SIRT1: variants seen among roughly 807,000 people sequenced by gnomAD.
The protein encoded by SIRT1 is sirtuin 1, also known as NAD-dependent protein deacetylase sirtuin-1.
SIRT1 carries 24 observed loss-of-function variants against 67.9 expected under a neutral mutation model. The observed-to-expected ratio is 0.35, with a 90% CI of 0.26 to 0.50. The LOEUF (loss-of-function observed/expected upper bound fraction) is 0.50, where lower values mean the gene tolerates loss of function less well. SIRT1 is among the 20% of genes least tolerant of loss of function. The pLI is 0.98. For synonymous variants in SIRT1, 378 were observed against 350.7 expected (o/e 1.08, Z -0.87); for missense variants, 873 against 937.2 (o/e 0.93, Z 0.89).
At chr10:67,890,658 G>A (rs1168240303) in intron 3 of SIRT1, among the ~76,000 whole-genome samples, 2 of 151,896 alleles carry the variant, frequency 1.3e-5, no homozygotes, top group Non-Finnish European at 2.9e-5. Context: ...GCTTGAGCCG[G>A]AAAGGTTAAG....
Position 67,912,457 on chromosome 10 carries a change from T to A in SIRT1, c.1358-17T>A. 1 of 1,568,792 alleles carries A rather than the reference T, an allele frequency of 6.4e-7. No homozygotes were observed. Among genetic ancestry groups the A allele is most frequent in the Non-Finnish European group, 8.6e-7 (1 of 1,161,274 alleles). On this transcript the variant is annotated splice_polypyrimidine_tract_variant and intron_variant, in intron 7 of 8. Coordinates refer to ENST00000212015, the MANE Select transcript of SIRT1 (RefSeq NM_012238.5). ...CCTCCTCCCTTTTTCTAACTCTTATTTTTCACCCTATTTTAGGTTCCATAC... is the reference window on the plus strand; with the variant it reads ...CCTCCTCCCTTTTTCTAACTCTTATATTTCACCCTATTTTAGGTTCCATAC...
chr10:67,903,379 C>A (rs1447638347), intron 4 of SIRT1, among the ~76,000 whole-genome samples: 1 of 138,690 alleles, frequency 7.2e-6, no homozygotes, highest in Non-Finnish European at 1.6e-5. Flanking sequence ...GCCATTATTT[C>A]TGCAGATAGT....
rs370910665 is a variant in SIRT1, at chr10:67,914,436, ATAAG to A, written c.1915+1408_1915+1411del. 4.6e-4 allele frequency among the ~76,000 whole-genome samples: 70 copies of A among 152,296 alleles called. 1 individual carries two copies. The East Asian group carries it at 0.01, about 23-fold the overall frequency. Reference sequence around the variant, plus strand: ...TTTCTAAGGAGCAAAATATTTAACAATAAGTAGGGATTTAAAAAGAGCAGACGTG... The same window carrying A: ...TTTCTAAGGAGCAAAATATTTAACAATAGGGATTTAAAAAGAGCAGACGTG... On this transcript the variant is annotated intron_variant, in intron 8 of 8. Coordinates refer to ENST00000212015, the MANE Select transcript of SIRT1 (RefSeq NM_012238.5).
At chr10:67,891,356 A>T in intron 3 of SIRT1, 46 bp from the exon 4 acceptor site, 1 of 1,575,638 alleles carries the variant, frequency 6.3e-7, no homozygotes, top group East Asian at 2.2e-5. Context: ...TAGTTCCTAT[A>T]AAGGTAGAAG....
intron 8 of SIRT1, among the ~76,000 whole-genome samples, chr10:67,915,325 G>C (rs138936973): frequency 4.4e-4 from 67 of 152,236 alleles, no homozygotes; most frequent in African/African-American, 1.5e-3. Flanking sequence ...GTTAAGTTAG[G>C]GACATACTGT....
rs79394695 is a variant in SIRT1 at position 67,897,901 on chromosome 10, G to T, written c.942+6347G>T. ...TCACTGATGTTAATAAAAATGAGTG[G>T]TTGTATTTAGAGTCAAGGCGAAACT... is the stretch of plus-strand genomic sequence containing the variant. On this transcript the variant is annotated intron_variant, in intron 4 of 8. Coordinates refer to ENST00000212015, the MANE Select transcript of SIRT1 (RefSeq NM_012238.5). 3.0e-3 allele frequency among the ~76,000 whole-genome samples: 445 copies of T among 150,734 alleles called. 3 individuals are homozygous for T. The highest frequency in any genetic ancestry group is 0.01 in the African/African-American group (421 of 41,008).
chr10:67,890,774 T>C (rs1225901962), intron 3 of SIRT1, among the ~76,000 whole-genome samples: 7 of 150,976 alleles, frequency 4.6e-5, no homozygotes, highest in African/African-American at 1.7e-4. Context: ...CTCACACCTG[T>C]AATCCCAGCA....
Position 67,885,083 on chromosome 10 carries a change from A to T in SIRT1, c.362A>T (p.Tyr121Phe), listed in dbSNP as rs1842453428. The T allele has an allele frequency of 6.9e-7, 1 of 1,446,042 alleles. No homozygotes were observed. Among genetic ancestry groups the T allele is most frequent in the Non-Finnish European group, 9.1e-7 (1 of 1,093,086 alleles). The allele number at this position is 1,446,042 out of a possible 1,614,324, so 89.6% of individuals were successfully genotyped here. The change falls in exon 1 of 9, where the codon TAC (tyrosine) becomes TTC (phenylalanine). Residue 121 changes from tyrosine (Y) to phenylalanine (F), a missense_variant. Coordinates refer to ENST00000212015, the MANE Select transcript of SIRT1 (RefSeq NM_012238.5). ...SREPPLADNLYDEDDDDEGEE... is the reference protein window; with the variant it reads ...SREPPLADNLFDEDDDDEGEE... ...GAGCCACCGCTGGCCGACAACTTGT[A>T]CGACGAAGACGACGACGACGAGGGC...
chr10:67,903,125 C>T (rs1431211818), intron 4 of SIRT1, among the ~76,000 whole-genome samples: 1 of 152,002 alleles, frequency 6.6e-6, no homozygotes, highest in African/African-American at 2.4e-5. Context: ...TTATGTTGTG[C>T]GGGCTGGAGT....
intron 4 of SIRT1, among the ~76,000 whole-genome samples, chr10:67,894,292 C>T (rs1376722498): frequency 6.6e-6 from 1 of 152,174 alleles, no homozygotes; most frequent in Non-Finnish European, 1.5e-5. Flanking sequence ...CTTTTTACTT[C>T]ATATATCCGT....
rs760118349 is a variant in SIRT1, at chr10:67,916,398, A to G, written c.2049A>G (p.Pro683=). The G allele has an allele frequency of 1.2e-6, 2 of 1,614,202 alleles. No homozygotes were observed. The highest frequency in any genetic ancestry group is 1.1e-5 in the South Asian group (1 of 91,088). Residue 683 remains proline, a synonymous_variant, in exon 9 of 9, where the codon CCA becomes CCG. Coordinates refer to ENST00000212015, the MANE Select transcript of SIRT1 (RefSeq NM_012238.5). The part of the protein sequence containing the change: ...SNSDSGTCQS[P]SLEEPMEDES... ...GTGATAGTGGGACATGCCAGAGTCC[A>G]AGTTTAGAAGAACCCATGGAGGATG... is the stretch of plus-strand genomic sequence containing the variant.
chr10:67,906,297 A>G (rs1842819462), intron 4 of SIRT1: 6 of 1,570,728 alleles, frequency 3.8e-6, no homozygotes, highest in Non-Finnish European at 5.2e-6. Context: ...GGTAAGGATT[A>G]AAACTTTAGC....
At chr10:67,893,368 A>T (rs1258377719) in intron 4 of SIRT1, among the ~76,000 whole-genome samples, 1 of 151,598 alleles carries the variant, frequency 6.6e-6, no homozygotes, top group Non-Finnish European at 1.5e-5. Context: ...TTATTGTTCA[A>T]CTCTCACTTA....
intron 8 of SIRT1, among the ~76,000 whole-genome samples, chr10:67,915,541 G>A (rs1222005982): frequency 6.6e-6 from 1 of 152,096 alleles, no homozygotes; most frequent in Non-Finnish European, 1.5e-5. Context: ...GCAGTAGGTG[G>A]GTCTTGGGGC....
At chr10:67,909,229 C>T (rs199516404) in intron 6 of SIRT1, 27 bp from the exon 7 acceptor site, 11 of 1,545,080 alleles carry the variant, frequency 7.1e-6, no homozygotes, top group Non-Finnish European at 8.7e-6. Context: ...TGCTTCTCTA[C>T]CTCAACCAAA....
rs550218150 is a variant in SIRT1, at chr10:67,888,876, T to C, written c.548-6T>C. 1.3e-5 allele frequency: 20 copies of C among 1,596,504 alleles called. No individual in the cohort carries two copies. The African/African-American group carries it at 2.7e-4, about 21-fold the overall frequency. The stretch of plus-strand genomic sequence containing the variant: ...TTGACTTTAAGCCTTTTCCCCCTTA[T>C]TGTAGGTCCATATACTTTTGTTCAG... On this transcript the variant is annotated splice_polypyrimidine_tract_variant and splice_region_variant and intron_variant, in intron 2 of 8. Coordinates refer to ENST00000212015, the MANE Select transcript of SIRT1 (RefSeq NM_012238.5).
At chr10:67,890,263 C>A (rs1466567249) in intron 3 of SIRT1, among the ~76,000 whole-genome samples, 1 of 152,078 alleles carries the variant, frequency 6.6e-6, no homozygotes, top group Non-Finnish European at 1.5e-5. Context: ...ACCATATTGG[C>A]CAGGCTGGTC....
chr10:67,914,059 ATTTTTTTTTTTTTTTT>A (rs57073724), intron 8 of SIRT1, among the ~76,000 whole-genome samples: 1 of 88,234 alleles, frequency 1.1e-5, no homozygotes, highest in African/African-American at 5.1e-5. Flanking sequence ...CAAAAGGTAG[ATTTTTTTTTTTTTTTT>A]TTTTTTTTTT....
At chr10:67,913,146 T>G in intron 8 of SIRT1, 115 bp downstream of exon 8, 1 of 1,029,988 alleles carries the variant, frequency 9.7e-7, no homozygotes, top group Non-Finnish European at 1.4e-6. Context: ...TGATTCTGTT[T>G]AGAGAAACTG....
Sources: gnomAD v4.1 joint callset for allele counts (sites outside exome capture counted in the v4.1 genomes callset) on GRCh38, gnomAD v4.1.1 for gene constraint, MANE v1.5 for transcripts, NCBI Gene and HGNC (gene_info 2026-07-23, HGNC 2026-07-21) for gene names.